Variants in DIO2 observed in about 807,000 individuals in gnomAD.
DIO2 encodes the protein type II iodothyronine deiodinase.
Under a neutral mutation model 21.4 loss-of-function variants are expected in DIO2, and 19 were observed. The observed-to-expected ratio is 0.89, with a 90% confidence interval of 0.62 to 1.30. The LOEUF (loss-of-function observed/expected upper bound fraction) is 1.30, where lower values mean the gene tolerates loss of function less well. DIO2 is among the 50% of genes most tolerant of loss of function. The probability of loss-of-function intolerance (pLI) is 0.00; values close to 1 mark genes in which losing one functional copy is unlikely to be tolerated. For missense variants in DIO2, 302 were observed against 338.1 expected, an observed-to-expected ratio of 0.89 and a Z score of 0.84; for synonymous variants, 122 against 132.9, an observed-to-expected ratio of 0.92 and a Z score of 0.57.
Position 80,202,436 on chromosome 14 carries a change from C to T in DIO2, c.*253G>A. 1.4e-6 allele frequency: 1 copy of T among 716,054 alleles called. No individual in the cohort carries two copies. 44.4% of individuals were successfully genotyped at this position (716,054 alleles called of 1,614,324 possible). On this transcript the variant is annotated 3_prime_UTR_variant, in exon 2 of 2. Transcript: ENST00000438257. ...ATGAACACATGCTGAATTAGCGTTT[C>T]TTCCTCTCCATCTTGGGATCTTTTC...
At chr14:80,218,949 G>T (rs113301786) in intron 2 of DIO2, among the ~76,000 whole-genome samples, 1 of 152,172 alleles carries the variant, frequency 6.6e-6, no homozygotes, top group Non-Finnish European at 1.5e-5. Flanking sequence ...CTGCACTCCA[G>T]CCCGGGCCAC....
Position 80,200,172 on chromosome 14 carries a change from A to T in DIO2, c.*2517T>A, listed in dbSNP as rs1887658640. On this transcript the variant is annotated 3_prime_UTR_variant, in exon 2 of 2. Coordinates refer to ENST00000438257, the MANE Select transcript of DIO2 (RefSeq NM_013989.5). ...AGCGTAGGATTCCTGAGCTTTGTCC[A>T]TTCATTTTCTCCATTGGCCCTTCCA... is the stretch of plus-strand genomic sequence containing the variant. The T allele has an allele frequency of 6.6e-6, 1 of 152,444 alleles. No individual in the cohort carries two copies. The highest frequency in any genetic ancestry group is 2.4e-5 in the African/African-American group (1 of 41,420). The allele number at this position is 152,444 out of a possible 1,614,324, so 9.4% of individuals were successfully genotyped here.
intron 2 of DIO2, chr14:80,219,316 G>T (rs1425293391): frequency 6.6e-6 from 1 of 152,196 alleles, no homozygotes; most frequent in Non-Finnish European, 1.5e-5. Flanking sequence ...TAGAAAAGTA[G>T]AGTTCAATTA....
intron 2 of DIO2, among the ~76,000 whole-genome samples, chr14:80,228,112 T>C (rs780134783): frequency 1.3e-5 from 2 of 152,230 alleles, no homozygotes; most frequent in Non-Finnish European, 2.9e-5. Context: ...ATGTCATCAG[T>C]GTAATGGACC....
intron 2 of DIO2, among the ~76,000 whole-genome samples, chr14:80,228,687 T>C (rs1888626697): frequency 6.6e-6 from 1 of 152,176 alleles, no homozygotes; most frequent in African/African-American, 2.4e-5. Flanking sequence ...TGCCAGCTAA[T>C]AAGTATGTCT....
At chr14:80,225,150 G>A (rs1566668916) in intron 2 of DIO2, among the ~76,000 whole-genome samples, 1 of 152,134 alleles carries the variant, frequency 6.6e-6, no homozygotes, top group Non-Finnish European at 1.5e-5. Context: ...TGACTCAAAT[G>A]TTAATCTCTT....
At chr14:80,226,906 T>A (rs1268018611) in intron 2 of DIO2, among the ~76,000 whole-genome samples, 1 of 152,234 alleles carries the variant, frequency 6.6e-6, no homozygotes, top group East Asian at 1.9e-4. Flanking sequence ...TCCATCCACA[T>A]ACGTCTTCCC....
At chr14:80,222,106 C>T (rs1308132944) in intron 2 of DIO2, among the ~76,000 whole-genome samples, 1 of 152,172 alleles carries the variant, frequency 6.6e-6, no homozygotes, top group Non-Finnish European at 1.5e-5. Context: ...TAAAATTTTA[C>T]CTGATGCTCT....
chr14:80,207,246 T>G (rs1887988220), intron 1 of DIO2, among the ~76,000 whole-genome samples: 1 of 152,146 alleles, frequency 6.6e-6, no homozygotes, highest in Non-Finnish European at 1.5e-5. Context: ...ATAGCATATA[T>G]AAAAATTTGA....
Position 80,202,616 on chromosome 14 carries a change from T to C in DIO2, c.*73A>G. ...GTAAGCCAATAGGGCTCTGTTGAAA[T>C]ATGGATTCAGTTCTTAATTTCCTTG... On this transcript the variant is annotated 3_prime_UTR_variant, in exon 2 of 2. Coordinates refer to ENST00000438257, the MANE Select transcript of DIO2 (RefSeq NM_013989.5). 6.9e-7 allele frequency: 1 copy of C among 1,441,584 alleles called. No homozygotes were observed. Among genetic ancestry groups the C allele is most frequent in the Non-Finnish European group, 9.2e-7 (1 of 1,082,362 alleles). 89.3% of individuals were successfully genotyped at this position (1,441,584 alleles called of 1,614,324 possible).
chr14:80,218,885 C>A (rs200949489), intron 2 of DIO2, among the ~76,000 whole-genome samples: 8 of 151,868 alleles, frequency 5.3e-5, no homozygotes, highest in African/African-American at 1.9e-4. Flanking sequence ...GGCTGAGGCA[C>A]GAGAATCGCT....
At chr14:80,218,248 A>C (rs1296162688) in intron 2 of DIO2, among the ~76,000 whole-genome samples, 1 of 151,174 alleles carries the variant, frequency 6.6e-6, no homozygotes, top group Non-Finnish European at 1.5e-5. Context: ...CAAAAAAAAA[A>C]CAGATCCTGG....
chr14:80,206,128 T>A (rs1887944956), intron 1 of DIO2: 1 of 783,354 alleles, frequency 1.3e-6, no homozygotes, highest in Non-Finnish European at 2.1e-6. Flanking sequence ...TGTTATAATG[T>A]CATAAATGGA....
upstream of DIO2, among the ~76,000 whole-genome samples, chr14:80,215,670 C>A (rs151289518): frequency 1.3e-5 from 2 of 152,222 alleles, no homozygotes; most frequent in African/African-American, 4.8e-5. Context: ...CATTATAAAT[C>A]CAAAAATGTC....
rs900709347 is a variant in DIO2, at chr14:80,199,577, C to G, written c.*3112G>C. On this transcript the variant is annotated 3_prime_UTR_variant, in exon 2 of 2. Coordinates refer to ENST00000438257, the MANE Select transcript of DIO2 (RefSeq NM_013989.5). The stretch of plus-strand genomic sequence containing the variant: ...GCGGGCATCTCCATTCATGCCCATT[C>G]AAGAAAATCATTGTTGATCCCACTA... 6.6e-6 allele frequency: 1 copy of G among 152,474 alleles called. No homozygotes were observed. Among genetic ancestry groups the G allele is most frequent in the South Asian group, 2.1e-4 (1 of 4,816 alleles). 9.4% of individuals were successfully genotyped at this position (152,474 alleles called of 1,614,324 possible).
chr14:80,217,658 C>G (rs9972105), intron 2 of DIO2, among the ~76,000 whole-genome samples: 3 of 151,962 alleles, frequency 2.0e-5, no homozygotes, highest in African/African-American at 7.3e-5. Flanking sequence ...AACAGATGTA[C>G]AAACAAATTT....
At chr14:80,209,582 T>C (rs1888086742) in intron 1 of DIO2, among the ~76,000 whole-genome samples, 1 of 152,234 alleles carries the variant, frequency 6.6e-6, no homozygotes, top group Non-Finnish European at 1.5e-5. Flanking sequence ...TCCCATTCAA[T>C]GTATACTTTT....
chr14:80,202,418 C>T lies in DIO2; in HGVS notation c.*271G>A. ...GTTCCTTCTCAATGCAGAATGAACA[C>T]ATGCTGAATTAGCGTTTCTTCCTCT... On this transcript the variant is annotated 3_prime_UTR_variant, in exon 2 of 2. Transcript: ENST00000438257. 1 of 682,164 alleles carries T rather than the reference C, an allele frequency of 1.5e-6. No individual in the cohort carries two copies. The highest frequency in any genetic ancestry group is 2.7e-6 in the Non-Finnish European group (1 of 366,574). The allele number at this position is 682,164 out of a possible 1,614,324, so 42.3% of individuals were successfully genotyped here. A position where few individuals can be genotyped will look rare whatever the true frequency, so the allele number is the denominator to read the frequency against.
At chr14:80,204,097 C>A (rs570739191) in intron 1 of DIO2, among the ~76,000 whole-genome samples, 25 of 152,078 alleles carry the variant, frequency 1.6e-4, no homozygotes, top group African/African-American at 6.0e-4. Flanking sequence ...TTTTTAAATG[C>A]CCTGAGCAAA....
Sources: gnomAD v4.1 joint callset for allele counts (sites outside exome capture counted in the v4.1 genomes callset) on GRCh38, gnomAD v4.1.1 for gene constraint, MANE v1.5 for transcripts, NCBI Gene and HGNC (gene_info 2026-07-23, HGNC 2026-07-21) for gene names.